The following TENM1 variants were observed in gnomAD, a reference collection of about 807,000 sequenced individuals.
TENM1 encodes teneurin transmembrane protein 1, also known as teneurin-1.
A neutral mutation model predicts 174.8 loss-of-function variants in TENM1; 35 were observed. The ratio of observed to expected loss-of-function variants is 0.20; its 90% confidence interval spans 0.15 to 0.27. TENM1 has a LOEUF of 0.27. Among genes scored for constraint, TENM1 ranks in the 10% least tolerant of loss-of-function variants. The probability of loss-of-function intolerance (pLI) is 1.00; values close to 1 mark genes in which losing one functional copy is unlikely to be tolerated. For missense variants in TENM1, 1,633 were observed against 2,130.1 expected (o/e 0.77, Z 4.59); for synonymous variants, 781 against 798.7 (o/e 0.98, Z 0.37).
chrX:124,609,858 T>C (rs1380090039), intron 11 of TENM1, among the ~76,000 whole-genome samples: 1 of 111,880 alleles, frequency 8.9e-6, no homozygotes, highest in Non-Finnish European at 1.9e-5. Flanking sequence ...AACAGATGGC[T>C]ATTGCTGTTA....
intron 23 of TENM1, among the ~76,000 whole-genome samples, chrX:124,445,278 C>T (rs1199898056): frequency 3.6e-5 from 4 of 111,567 alleles, no homozygotes; most frequent in Admixed American, 9.6e-5. Flanking sequence ...TGTCATCAGT[C>T]AGAGGTATTC....
At chrX:124,666,746 C>T (rs1251400166) in intron 6 of TENM1, among the ~76,000 whole-genome samples, 1 of 111,546 alleles carries the variant, frequency 9.0e-6, no homozygotes, top group African/African-American at 3.3e-5. Context: ...TTAGAACTGT[C>T]TGTTTCCCTG....
chrX:125,127,580 T>C, the TENM1 span, among the ~76,000 whole-genome samples: 2 of 111,538 alleles, frequency 1.8e-5, no homozygotes, highest in Non-Finnish European at 3.8e-5. Flanking sequence ...TGTTGAACAT[T>C]GTAAATCAAA....
the TENM1 span, among the ~76,000 whole-genome samples, chrX:125,137,493 G>C: frequency 1.6e-4 from 17 of 109,159 alleles, no homozygotes; most frequent in Middle Eastern, 4.3e-3. Context: ...GCCTCCAGGT[G>C]GTCTCTGGCA....
At chrX:124,383,788 C>A in exon 30 of TENM1, 1 of 1,210,206 alleles carries the variant, frequency 8.3e-7, no homozygotes, top group Non-Finnish European at 1.1e-6. Flanking sequence ...AATCCCTTTG[C>A]CCCAGGTGCA....
chrX:124,644,210 C>CATATATATATATATATATATATATATAT (rs202056765), intron 10 of TENM1, among the ~76,000 whole-genome samples: 56 of 95,636 alleles, frequency 5.9e-4, no homozygotes, highest in African/African-American at 2.1e-3. Flanking sequence ...TTTACATATA[C>CATATATATATATATATATATATATATAT]ATATATATAT....
intron 6 of TENM1, 22 bp downstream of exon 9, chrX:124,671,657 ACAAT>A (rs1178486253): frequency 2.5e-6 from 3 of 1,189,234 alleles, no homozygotes; most frequent in South Asian, 3.7e-5. Context: ...AAAGTAATCA[ACAAT>A]CAATCATTTT....
chrX:125,130,854 T>A, the TENM1 span, among the ~76,000 whole-genome samples: 1 of 111,768 alleles, frequency 8.9e-6, no homozygotes. Flanking sequence ...CTTGTTCCCA[T>A]AGAGCTTTCA....
rs138919704 is a variant in TENM1, at chrX:124,920,564, T to C, written c.218-24323A>G. The stretch of plus-strand genomic sequence containing the variant: ...AGTCTGATTGCTGGGTCACAATGCA[T>C]GTGCTTTTTGAATTTTATTAGATTC... On this transcript the variant is annotated intron_variant, in intron 1 of 31. Transcript: ENST00000422452. Among the ~76,000 whole-genome samples the C allele has an allele frequency of 4.5e-5, 5 of 111,611 alleles. No individual in the cohort carries two copies. The East Asian group carries it at 1.4e-3, about 31-fold the overall frequency.
At chrX:124,662,695 A>T (rs1225634169) in intron 6 of TENM1, among the ~76,000 whole-genome samples, 2 of 110,854 alleles carry the variant, frequency 1.8e-5, no homozygotes, top group Admixed American at 9.6e-5. Context: ...ACTCCTCAAG[A>T]TCACTAGGAG....
chrX:125,093,062 G>A, the TENM1 span, among the ~76,000 whole-genome samples: 6 of 111,886 alleles, frequency 5.4e-5, no homozygotes, highest in Non-Finnish European at 9.4e-5. Context: ...AGTGTATTCT[G>A]TATGGAATGG....
Position 124,476,304 on chromosome X carries a change from G to C in TENM1, c.3949+5428C>G, listed in dbSNP as rs186274948. On this transcript the variant is annotated intron_variant, in intron 22 of 31. Transcript: ENST00000422452. ...AGGGCTTCAGGATGTACTTCAGCTA[G>C]ACCTGGATAGGGACAAAAACAGATT... 2.7e-5 allele frequency among the ~76,000 whole-genome samples: 3 copies of C among 112,208 alleles called. No homozygotes were observed. In the East Asian group the frequency reaches 8.4e-4, roughly 32 times the overall value.
At chrX:124,720,619 C>A (rs1054813347) in intron 4 of TENM1, among the ~76,000 whole-genome samples, 1 of 112,356 alleles carries the variant, frequency 8.9e-6, no homozygotes, top group African/African-American at 3.2e-5. Flanking sequence ...GCAAAATAAA[C>A]TTCCTAAATT....
intron 11 of TENM1, among the ~76,000 whole-genome samples, chrX:124,586,012 C>G (rs2049498353): frequency 9.1e-6 from 1 of 110,304 alleles, no homozygotes; most frequent in South Asian, 3.8e-4. Context: ...CTGAATAGAC[C>G]AATAACAGGC....
chrX:124,853,605 A>G (rs2147407503), intron 3 of TENM1, among the ~76,000 whole-genome samples: 1 of 111,103 alleles, frequency 9.0e-6, no homozygotes, highest in Non-Finnish European at 1.9e-5. Context: ...TTATTTTTCT[A>G]TGAGGTAGAA....
chrX:124,550,877 G>A (rs1055860843), intron 14 of TENM1, among the ~76,000 whole-genome samples: 1 of 110,162 alleles, frequency 9.1e-6, no homozygotes, highest in African/African-American at 3.3e-5. Flanking sequence ...TCCTGCCTCA[G>A]CCTCCCGAGT....
chrX:124,694,402 A>G (rs2052601644), intron 5 of TENM1, among the ~76,000 whole-genome samples: 1 of 111,380 alleles, frequency 9.0e-6, no homozygotes, highest in South Asian at 3.8e-4. Flanking sequence ...TTGGGTGCTT[A>G]TTTCTCTACC....
the TENM1 span, among the ~76,000 whole-genome samples, chrX:125,060,181 T>TCTCACA: frequency 7.5e-5 from 7 of 93,830 alleles, no homozygotes; most frequent in African/African-American, 3.0e-4. Context: ...TCTCTCTCTC[T>TCTCACA]CACACACACA....
chrX:125,063,952 C>T, the TENM1 span, among the ~76,000 whole-genome samples: 1 of 111,545 alleles, frequency 9.0e-6, no homozygotes, highest in Non-Finnish European at 1.9e-5. Context: ...AAATGTGGCA[C>T]ATATACACCA....
Sources: gnomAD v4.1 joint callset for allele counts (sites outside exome capture counted in the v4.1 genomes callset) on GRCh38, gnomAD v4.1.1 for gene constraint, MANE v1.5 for transcripts, NCBI Gene and HGNC (gene_info 2026-07-23, HGNC 2026-07-21) for gene names.